Variants in NFIB observed in about 807,000 individuals in gnomAD.
The protein encoded by NFIB is nuclear factor I B.
In NFIB, 11 loss-of-function variants were observed where a neutral mutation model predicts 61.5. That is an observed-to-expected ratio of 0.18 (90% CI 0.11 to 0.30). The LOEUF (loss-of-function observed/expected upper bound fraction) is 0.30. NFIB is among the 10% of genes least tolerant of loss of function. NFIB has a pLI of 1.00. For missense variants in NFIB, 471 were observed against 608.9 expected, an observed-to-expected ratio of 0.77 and a Z score of 2.38; for synonymous variants, 260 against 216.5, an observed-to-expected ratio of 1.20 and a Z score of -1.76.
intron 6 of NFIB, among the ~76,000 whole-genome samples, chr9:14,142,200 G>T (rs1249916821): frequency 6.6e-6 from 1 of 152,190 alleles, no homozygotes; most frequent in African/African-American, 2.4e-5. Flanking sequence ...CACGTGACAT[G>T]GGAGGAACCT....
chr9:14,425,756 C>A, the NFIB span, among the ~76,000 whole-genome samples: 1 of 151,850 alleles, frequency 6.6e-6, no homozygotes, highest in East Asian at 1.9e-4. Flanking sequence ...GGACCATGGG[C>A]TACTTCACTA....
intron 10 of NFIB, chr9:14,096,587 T>C (rs1054970365): frequency 7.2e-5 from 11 of 152,180 alleles, no homozygotes; most frequent in East Asian, 3.8e-4. Context: ...ATGGACATTA[T>C]TGATTCCTAT....
At chr9:14,125,554 A>C in intron 7 of NFIB, 78 bp downstream of exon 7, 1 of 1,554,494 alleles carries the variant, frequency 6.4e-7, no homozygotes. Flanking sequence ...TCTATTTATA[A>C]ACTTTTGCTC....
chr9:14,195,511 A>T (rs1336417765), intron 2 of NFIB, among the ~76,000 whole-genome samples: 1 of 152,270 alleles, frequency 6.6e-6, no homozygotes, highest in Non-Finnish European at 1.5e-5. Context: ...ATTTGAAAGT[A>T]TAAAGCACAT....
At chr9:14,345,194 G>A (rs899386270) in intron 1 of NFIB, among the ~76,000 whole-genome samples, 4 of 152,236 alleles carry the variant, frequency 2.6e-5, no homozygotes, top group African/African-American at 9.6e-5. Context: ...TTGAGTAGAG[G>A]TAAGAGAAAG....
the NFIB span, among the ~76,000 whole-genome samples, chr9:14,519,114 T>C: frequency 6.6e-6 from 1 of 152,148 alleles, no homozygotes; most frequent in Non-Finnish European, 1.5e-5. Context: ...GGTGCCTCTG[T>C]GAAAAGCGGG....
At chr9:14,520,526 A>G in the NFIB span, among the ~76,000 whole-genome samples, 1 of 152,230 alleles carries the variant, frequency 6.6e-6, no homozygotes, top group African/African-American at 2.4e-5. Flanking sequence ...GACCAAGATC[A>G]CATTCTGCAA....
chr9:14,467,105 C>T, the NFIB span, among the ~76,000 whole-genome samples: 1 of 152,042 alleles, frequency 6.6e-6, no homozygotes, highest in Non-Finnish European at 1.5e-5. Context: ...GGTTTCCCTT[C>T]GAGGTGTTGG....
At chr9:14,394,568 G>A (rs1240194296) in intron 1 of NFIB, among the ~76,000 whole-genome samples, 1 of 152,158 alleles carries the variant, frequency 6.6e-6, no homozygotes, top group Non-Finnish European at 1.5e-5. Context: ...AGAACAGTAT[G>A]GGGAAAATGC....
chr9:14,386,331 G>C (rs2061548499), intron 1 of NFIB, among the ~76,000 whole-genome samples: 1 of 152,152 alleles, frequency 6.6e-6, no homozygotes, highest in East Asian at 1.9e-4. Context: ...GGATGAGTTA[G>C]TTTCTTAAAT....
At chr9:14,343,291 A>G (rs1285896509) in intron 1 of NFIB, among the ~76,000 whole-genome samples, 1 of 152,186 alleles carries the variant, frequency 6.6e-6, no homozygotes, top group Non-Finnish European at 1.5e-5. Context: ...CCGGTGCCAG[A>G]GAACCCCCTA....
At chr9:14,439,982 G>C in the NFIB span, among the ~76,000 whole-genome samples, 3 of 152,206 alleles carry the variant, frequency 2.0e-5, no homozygotes, top group Non-Finnish European at 4.4e-5. Context: ...TGGAAGGAGA[G>C]GGGGTGGCTG....
intron 2 of NFIB, among the ~76,000 whole-genome samples, chr9:14,257,856 G>A (rs902133015): frequency 6.6e-6 from 1 of 152,058 alleles, no homozygotes; most frequent in Non-Finnish European, 1.5e-5. Context: ...AATATAAGTA[G>A]GCAGAATTAT....
chr9:14,251,020 C>T (rs2055546996), intron 2 of NFIB, among the ~76,000 whole-genome samples: 1 of 152,126 alleles, frequency 6.6e-6, no homozygotes, highest in African/African-American at 2.4e-5. Context: ...ATGTCTATTC[C>T]TGAAGTATGA....
intron 2 of NFIB, among the ~76,000 whole-genome samples, chr9:14,277,213 T>C (rs2058059144): frequency 6.6e-6 from 1 of 152,196 alleles, no homozygotes; most frequent in Non-Finnish European, 1.5e-5. Flanking sequence ...CTTTCTACAA[T>C]TCAGAATTTT....
chr9:14,188,062 C>G (rs1488553502), intron 2 of NFIB, among the ~76,000 whole-genome samples: 7 of 152,164 alleles, frequency 4.6e-5, no homozygotes, highest in Non-Finnish European at 1.0e-4. Flanking sequence ...AGGTCATAAT[C>G]AGGATCACCT....
chr9:14,127,740 T>C (rs1211537799), intron 6 of NFIB, among the ~76,000 whole-genome samples: 1 of 152,152 alleles, frequency 6.6e-6, no homozygotes, highest in Non-Finnish European at 1.5e-5. Context: ...AAGGCATTCA[T>C]AAAATTAAAT....
intron 2 of NFIB, among the ~76,000 whole-genome samples, chr9:14,238,335 A>C (rs2054008838): frequency 6.6e-6 from 1 of 152,174 alleles, no homozygotes; most frequent in South Asian, 2.1e-4. Flanking sequence ...GTCACCACTA[A>C]AAGTAGGGGC....
At chr9:14,351,057 G>A (rs754722261) in intron 1 of NFIB, among the ~76,000 whole-genome samples, 1 of 152,202 alleles carries the variant, frequency 6.6e-6, no homozygotes, top group Non-Finnish European at 1.5e-5. Context: ...AATCAGCTGT[G>A]TGTTCCAGGA....
Sources: allele counts gnomAD v4.1 joint callset (sites outside exome capture counted in the v4.1 genomes callset), GRCh38; gene constraint gnomAD v4.1.1; transcripts MANE v1.5; gene names NCBI Gene and HGNC (gene_info 2026-07-23, HGNC 2026-07-21).